BLTP1: variants seen among roughly 807,000 people sequenced by gnomAD.
BLTP1 encodes fragile site-associated protein.
At chr4:122,169,901 G>A in the BLTP1 span, 1 of 985,034 alleles carries the variant, frequency 1.0e-6, no homozygotes, top group Non-Finnish European at 1.2e-6. Flanking sequence ...GAGGGTAAGA[G>A]GGATTTATCT....
At chr4:122,257,212 T>A in the BLTP1 span, 52 of 1,580,504 alleles carry the variant, frequency 3.3e-5, no homozygotes, top group African/African-American at 6.6e-4. Flanking sequence ...GTAACTGATA[T>A]TATTACATTA....
the BLTP1 span, chr4:122,239,520 C>T: frequency 1.3e-6 from 2 of 1,552,974 alleles, no homozygotes; most frequent in Non-Finnish European, 1.8e-6. Flanking sequence ...TTTTAGTATC[C>T]CTACAGAAAT....
chr4:122,309,531 G>A, the BLTP1 span: 3 of 1,443,928 alleles, frequency 2.1e-6, no homozygotes, highest in Non-Finnish European at 2.8e-6. Context: ...CTCCATTTGT[G>A]AAATTAAAAG....
At chr4:122,267,060 T>A in the BLTP1 span, 15 of 441,152 alleles carry the variant, frequency 3.4e-5, 1 homozygote, top group African/African-American at 5.1e-4. Flanking sequence ...AATTTTTTTT[T>A]TTTTTTTTTT....
the BLTP1 span, chr4:122,171,823 A>G: frequency 1.0e-6 from 1 of 984,260 alleles, no homozygotes; most frequent in Non-Finnish European, 1.2e-6. Context: ...TAACAAGCAG[A>G]AAAACATTGA....
the BLTP1 span, among the ~76,000 whole-genome samples, chr4:122,253,826 A>G: frequency 2.0e-5 from 3 of 152,292 alleles, no homozygotes; most frequent in Middle Eastern, 3.4e-3. Context: ...ATTTAAACCA[A>G]TTAAGACTAC....
the BLTP1 span, chr4:122,247,138 C>G: frequency 6.3e-7 from 1 of 1,590,208 alleles, no homozygotes. Context: ...AAACATTTTA[C>G]TCTCTTTTTT....
At chr4:122,161,075 T>G in the BLTP1 span, 1 of 900,050 alleles carries the variant, frequency 1.1e-6, no homozygotes, top group Admixed American at 6.2e-5. Context: ...TTAACCTTAC[T>G]TGGTGATGAA....
the BLTP1 span, chr4:122,359,701 G>T: frequency 1.2e-6 from 2 of 1,610,400 alleles, no homozygotes; most frequent in South Asian, 2.2e-5. Flanking sequence ...TGCAATACAT[G>T]GCATCTAGAA....
the BLTP1 span, chr4:122,318,191 G>A: frequency 3.1e-6 from 5 of 1,608,514 alleles, no homozygotes; most frequent in Non-Finnish European, 4.2e-6. Flanking sequence ...GAAATTCAAC[G>A]TTACCAACAG....
the BLTP1 span, chr4:122,306,775 T>C: frequency 1.5e-6 from 1 of 681,720 alleles, no homozygotes; most frequent in Admixed American, 6.3e-5. Flanking sequence ...GTAGACAAGG[T>C]CTAATTAATG....
At chr4:122,186,423 A>G in the BLTP1 span, among the ~76,000 whole-genome samples, 1 of 151,988 alleles carries the variant, frequency 6.6e-6, no homozygotes, top group East Asian at 1.9e-4. Context: ...GTCCCGTTCT[A>G]TTCCCTTGCA....
At chr4:122,227,419 A>G in the BLTP1 span, 5 of 985,272 alleles carry the variant, frequency 5.1e-6, no homozygotes, top group Non-Finnish European at 6.0e-6. Flanking sequence ...TGTGCAATAA[A>G]TACTCTCCCT....
At chr4:122,265,335 T>G in the BLTP1 span, among the ~76,000 whole-genome samples, 2 of 152,232 alleles carry the variant, frequency 1.3e-5, no homozygotes, top group Non-Finnish European at 2.9e-5. Flanking sequence ...CGTCAATAAT[T>G]GTTACACTGT....
chr4:122,315,294 GTAGATGCACAC>G, the BLTP1 span: 1 of 422,786 alleles, frequency 2.4e-6, no homozygotes, highest in Non-Finnish European at 3.2e-6. Context: ...AGAGGAAACA[GTAGATGCACAC>G]TGTACACATA....
chr4:122,201,599 C>T, the BLTP1 span, among the ~76,000 whole-genome samples: 2 of 152,190 alleles, frequency 1.3e-5, no homozygotes, highest in Non-Finnish European at 2.9e-5. Flanking sequence ...TTGGAAGAAA[C>T]ATTCCTTTAT....
the BLTP1 span, among the ~76,000 whole-genome samples, chr4:122,297,416 G>A: frequency 4.6e-5 from 7 of 152,244 alleles, no homozygotes; most frequent in South Asian, 2.1e-4. Flanking sequence ...AGATGCTGGC[G>A]AAGTTGCAGA....
At chr4:122,269,472 C>G in the BLTP1 span, 1 of 985,158 alleles carries the variant, frequency 1.0e-6, no homozygotes, top group Non-Finnish European at 1.2e-6. Context: ...TTTCTACTAA[C>G]GCGCCAGCTC....
chr4:122,213,177 C>T, the BLTP1 span, among the ~76,000 whole-genome samples: 3 of 152,078 alleles, frequency 2.0e-5, no homozygotes, highest in Admixed American at 6.6e-5. Flanking sequence ...GGTCTACAGG[C>T]GAGCACCACC....
Sources: gnomAD v4.1 joint callset for allele counts (sites outside exome capture counted in the v4.1 genomes callset) on GRCh38, gnomAD v4.1.1 for gene constraint, MANE v1.5 for transcripts, NCBI Gene and HGNC (gene_info 2026-07-23, HGNC 2026-07-21) for gene names.